The following FGF12 variants were observed in gnomAD, a reference collection of about 807,000 sequenced individuals.
The protein encoded by FGF12 is fibroblast growth factor 12, also known as fibroblast growth factor 12B.
Under a neutral mutation model 23.6 loss-of-function variants are expected in FGF12, and 14 were observed. That is an observed-to-expected ratio of 0.59 (90% confidence interval 0.39 to 0.93). The LOEUF is 0.93. FGF12 is among the 40% of genes least tolerant of loss of function. FGF12 has a pLI of 0.00. For synonymous variants in FGF12, 62 were observed against 77.3 expected (o/e 0.80, Z 1.04); for missense variants, 175 against 217.8 (o/e 0.80, Z 1.24).
chr3:192,464,499 G>GGTGTGTGT (rs34803297), intron 2 of FGF12, among the ~76,000 whole-genome samples: 213 of 132,674 alleles, frequency 1.6e-3, no homozygotes, highest in Middle Eastern at 3.8e-3. Context: ...AGTATTCCAT[G>GGTGTGTGT]GTGTGTGTGT....
intron 2 of FGF12, among the ~76,000 whole-genome samples, chr3:192,634,610 A>T (rs555470271): frequency 8.5e-5 from 13 of 152,256 alleles, no homozygotes; most frequent in African/African-American, 2.9e-4. Context: ...CCGACATCTG[A>T]GAGAGGAAGC....
chr3:192,229,372 T>C (rs1718905020), intron 4 of FGF12, among the ~76,000 whole-genome samples: 1 of 152,052 alleles, frequency 6.6e-6, no homozygotes, highest in Admixed American at 6.6e-5. Context: ...TCCTTCACAT[T>C]TGTTCCTTTA....
chr3:192,660,254 G>A (rs889409861), intron 2 of FGF12, among the ~76,000 whole-genome samples: 7 of 150,550 alleles, frequency 4.6e-5, no homozygotes, highest in South Asian at 2.1e-4. Context: ...GCAAACTATC[G>A]CAAGGACAAA....
chr3:192,528,202 A>T (rs528091667), intron 2 of FGF12, among the ~76,000 whole-genome samples: 1 of 152,220 alleles, frequency 6.6e-6, no homozygotes, highest in Non-Finnish European at 1.5e-5. Context: ...AGCCTGTAAA[A>T]TAAAACCAAG....
intron 2 of FGF12, among the ~76,000 whole-genome samples, chr3:192,534,532 A>G (rs192198671): frequency 9.9e-5 from 15 of 152,114 alleles, no homozygotes; most frequent in Non-Finnish European, 1.6e-4. Flanking sequence ...AGTAGATGGG[A>G]CTATAGGTGC....
At chr3:192,563,311 A>G (rs757583298) in intron 2 of FGF12, among the ~76,000 whole-genome samples, 4 of 152,214 alleles carry the variant, frequency 2.6e-5, no homozygotes, top group African/African-American at 9.6e-5. Context: ...TATCTCTCAT[A>G]TCCCAAGATT....
chr3:192,619,149 T>C (rs1022914596), intron 2 of FGF12, among the ~76,000 whole-genome samples: 2 of 152,040 alleles, frequency 1.3e-5, no homozygotes. Context: ...GTTAGCATGT[T>C]ATTAGATTTT....
At chr3:192,276,321 G>A (rs1464556814) in intron 4 of FGF12, among the ~76,000 whole-genome samples, 1 of 152,176 alleles carries the variant, frequency 6.6e-6, no homozygotes, top group African/African-American at 2.4e-5. Flanking sequence ...CCTAGATGAA[G>A]TCTAGAAATT....
intron 4 of FGF12, among the ~76,000 whole-genome samples, chr3:192,205,697 T>C (rs1327250028): frequency 1.3e-5 from 2 of 152,106 alleles, no homozygotes; most frequent in Non-Finnish European, 2.9e-5. Context: ...TTTGAGAACA[T>C]AGAAAATGGT....
chr3:192,171,879 TCTCTCTCTCTTTCTCTCC>T (rs894968932), intron 4 of FGF12, among the ~76,000 whole-genome samples: 1 of 146,842 alleles, frequency 6.8e-6, no homozygotes, highest in Non-Finnish European at 1.5e-5. Flanking sequence ...GAGAGTGCTC[TCTCTCTCTCTTTCTCTCC>T]CTCTCTCCTT....
intron 2 of FGF12, among the ~76,000 whole-genome samples, chr3:192,389,602 A>T (rs987297775): frequency 1.1e-4 from 17 of 152,212 alleles, no homozygotes; most frequent in African/African-American, 4.1e-4. Flanking sequence ...AGATCAACTC[A>T]ACTTTATTTT....
At chr3:192,279,230 G>GTATC (rs1713991094) in intron 4 of FGF12, among the ~76,000 whole-genome samples, 2 of 131,922 alleles carry the variant, frequency 1.5e-5, no homozygotes, top group African/African-American at 3.1e-5. Flanking sequence ...TAATGTATGA[G>GTATC]TATATATATA....
chr3:192,181,526 C>T (rs1311086878), intron 4 of FGF12, among the ~76,000 whole-genome samples: 2 of 151,614 alleles, frequency 1.3e-5, no homozygotes, highest in Non-Finnish European at 2.9e-5. Context: ...TACAATATCA[C>T]AAAACATGGA....
intron 2 of FGF12, among the ~76,000 whole-genome samples, chr3:192,493,913 T>A (rs563129986): frequency 1.3e-5 from 2 of 151,728 alleles, no homozygotes; most frequent in African/African-American, 4.9e-5. Context: ...ATCCAAACCC[T>A]ATCACAGGAT....
At chr3:192,617,229 G>A (rs1027214575) in intron 2 of FGF12, among the ~76,000 whole-genome samples, 2 of 152,040 alleles carry the variant, frequency 1.3e-5, no homozygotes, top group Admixed American at 1.3e-4. Context: ...GAATAGGCTA[G>A]GGATATATTA....
At chr3:192,584,673 C>T (rs1452683131) in intron 2 of FGF12, among the ~76,000 whole-genome samples, 2 of 152,148 alleles carry the variant, frequency 1.3e-5, no homozygotes, top group African/African-American at 4.8e-5. Context: ...ATACTCCTGT[C>T]TCCTACCTTT....
chr3:192,448,554 C>T (rs188538956), intron 2 of FGF12, among the ~76,000 whole-genome samples: 247 of 152,256 alleles, frequency 1.6e-3, no homozygotes, highest in African/African-American at 5.6e-3. Flanking sequence ...GCCCAAGTGA[C>T]GGCACTTTGA....
At chr3:192,223,981 T>C (rs1470084167) in intron 4 of FGF12, among the ~76,000 whole-genome samples, 1 of 152,166 alleles carries the variant, frequency 6.6e-6, no homozygotes, top group Non-Finnish European at 1.5e-5. Context: ...GTGATAATTC[T>C]GCAAGCCTCA....
intron 2 of FGF12, among the ~76,000 whole-genome samples, chr3:192,421,039 G>C (rs866787271): frequency 3.9e-5 from 6 of 152,076 alleles, no homozygotes; most frequent in African/African-American, 1.4e-4. Context: ...AGAGATATTC[G>C]ACGAGAATCG....
Sources: gnomAD v4.1 joint callset for allele counts (sites outside exome capture counted in the v4.1 genomes callset) on GRCh38, gnomAD v4.1.1 for gene constraint, MANE v1.5 for transcripts, NCBI Gene and HGNC (gene_info 2026-07-23, HGNC 2026-07-21) for gene names.